The following ZFP64 variants were observed in gnomAD, a reference collection of about 807,000 sequenced individuals.
ZFP64 encodes the protein ZFP64 zinc finger protein, also known as zinc finger protein 64.
In ZFP64, 14 loss-of-function variants were observed where a neutral mutation model predicts 51.6. That is an observed-to-expected ratio of 0.27 (90% CI 0.18 to 0.42). The LOEUF is 0.42. Ranked by LOEUF, ZFP64 falls within the 10% of genes least tolerant of loss-of-function variation. ZFP64 has a pLI of 1.00. For missense variants in ZFP64, 754 were observed against 906.8 expected (o/e 0.83, Z 2.16); for synonymous variants, 375 against 361.4 (o/e 1.04, Z -0.43).
intron 5 of ZFP64, among the ~76,000 whole-genome samples, chr20:52,110,112 G>A (rs1294713777): frequency 2.0e-5 from 3 of 152,038 alleles, no homozygotes; most frequent in African/African-American, 4.8e-5. Context: ...TTCCTTCTGA[G>A]GGGTCATTTC....
At chr20:52,091,444 A>G (rs1447340206) in intron 7 of ZFP64, among the ~76,000 whole-genome samples, 1 of 152,240 alleles carries the variant, frequency 6.6e-6, no homozygotes, top group African/African-American at 2.4e-5. Flanking sequence ...TTCTAGAAAA[A>G]TGCTTAAAAA....
At chr20:52,110,423 C>T in intron 5 of ZFP64, 2 of 597,696 alleles carry the variant, frequency 3.3e-6, no homozygotes, top group Non-Finnish European at 6.1e-6. Flanking sequence ...CTCCTTCTTC[C>T]CGTCACTCAA....
chr20:52,177,336 G>A (rs1983301933), intron 2 of ZFP64, among the ~76,000 whole-genome samples: 1 of 152,138 alleles, frequency 6.6e-6, no homozygotes, highest in African/African-American at 2.4e-5. Flanking sequence ...CCTGCGGAGG[G>A]GACTTGGGAT....
intron 5 of ZFP64, among the ~76,000 whole-genome samples, chr20:52,109,910 A>T (rs184493188): frequency 5.9e-5 from 9 of 152,260 alleles, no homozygotes; most frequent in Admixed American, 1.3e-4. Flanking sequence ...TCATGGCCAA[A>T]CATGCATTGA....
downstream of ZFP64, among the ~76,000 whole-genome samples, chr20:52,149,986 A>C (rs924583928): frequency 1.3e-5 from 2 of 152,154 alleles, no homozygotes; most frequent in Non-Finnish European, 2.9e-5. Context: ...AGGTGGGTGG[A>C]TCACAAGGTC....
chr20:52,183,960 C>T (rs542263857), intron 2 of ZFP64, among the ~76,000 whole-genome samples: 8 of 152,268 alleles, frequency 5.3e-5, no homozygotes, highest in Non-Finnish European at 1.0e-4. Flanking sequence ...AAGAGATTCT[C>T]GTGCCTTGGC....
At chr20:52,176,503 C>CTTTTTTTTTTT (rs1236181128) in intron 2 of ZFP64, among the ~76,000 whole-genome samples, 1 of 144,396 alleles carries the variant, frequency 6.9e-6, no homozygotes, top group Non-Finnish European at 1.5e-5. Flanking sequence ...GGTTCAATCT[C>CTTTTTTTTTTT]TCTTTTTTTT....
rs1419564671 is a variant in ZFP64 at position 52,125,971 on chromosome 20, CCCTGGGTTCAAGTGATTCT to C, written c.764-27403_764-27385del. Among the ~76,000 whole-genome samples the C allele has an allele frequency of 2.0e-5, 3 of 151,962 alleles. No individual in the cohort carries two copies. The East Asian group carries it at 5.8e-4, about 29-fold the overall frequency. ...ATCTTGGCTCACTGCAACCTCCGCG[CCCTGGGTTCAAGTGATTCT>C]CCTGTGTTCAAGTGATTCTCCTGTG... On this transcript the variant is annotated intron_variant, in intron 5 of 8. Coordinates refer to the ZFP64 transcript ENST00000361387.
chr20:52,188,276 CT>C (rs1984113088), intron 1 of ZFP64, among the ~76,000 whole-genome samples: 1 of 150,254 alleles, frequency 6.7e-6, no homozygotes, highest in Non-Finnish European at 1.5e-5. Flanking sequence ...AAATTCATTC[CT>C]AACTGGCAGG....
At chr20:52,188,308 C>CTTTTTTTTT (rs1164512289) in intron 1 of ZFP64, among the ~76,000 whole-genome samples, 45 of 104,216 alleles carry the variant, frequency 4.3e-4, no homozygotes, top group Non-Finnish European at 6.2e-4. Flanking sequence ...CTTTTTCTTT[C>CTTTTTTTTT]TTTTTTTTTT....
rs572445129 is a variant in ZFP64, at chr20:52,141,066, G to A, written c.763+19057C>T. Among the ~76,000 whole-genome samples the A allele has an allele frequency of 7.2e-5, 11 of 152,268 alleles. No homozygotes were observed. In the South Asian group the frequency reaches 2.1e-3, roughly 29 times the overall value. On this transcript the variant is annotated intron_variant, in intron 5 of 8. Transcript: ENST00000361387. Reference sequence around the variant, plus strand: ...CGGCATGGTTTACTGAATATTTAAAGCCCCATGTTGAGACCTACTGCTCAG... The same window carrying A: ...CGGCATGGTTTACTGAATATTTAAAACCCCATGTTGAGACCTACTGCTCAG...
intron 5 of ZFP64, among the ~76,000 whole-genome samples, chr20:52,114,743 T>A (rs146147754): frequency 8.3e-4 from 126 of 152,342 alleles, no homozygotes; most frequent in Non-Finnish European, 1.5e-3. Context: ...CTGCTTTCCA[T>A]CTTTTCTCCT....
Position 52,099,035 on chromosome 20 carries a change from T to C in ZFP64, c.764-448A>G, listed in dbSNP as rs932801507. Among the ~76,000 whole-genome samples the C allele has an allele frequency of 1.7e-4, 26 of 148,684 alleles. 2 individuals carry two copies. The Middle Eastern group carries it at 0.018, about 102-fold the overall frequency. ...AAAAAAAAAAAAAGCAAGCCATGTATGCTCTGTCTTGCAAAAGTCCTCTTC... is the reference window on the plus strand; with the variant it reads ...AAAAAAAAAAAAAGCAAGCCATGTACGCTCTGTCTTGCAAAAGTCCTCTTC... On this transcript the variant is annotated intron_variant, in intron 5 of 8. Coordinates refer to the ZFP64 transcript ENST00000361387.
At chr20:52,089,138 C>A (rs2078895785) in intron 7 of ZFP64, 3 of 439,318 alleles carry the variant, frequency 6.8e-6, no homozygotes, top group East Asian at 6.3e-5. Context: ...ACCACATACC[C>A]AGAACACTTC....
chr20:52,131,571 T>C (rs112336509), intron 5 of ZFP64, among the ~76,000 whole-genome samples: 84 of 152,300 alleles, frequency 5.5e-4, no homozygotes, highest in Non-Finnish European at 8.4e-4. Flanking sequence ...GGGGTAGCTA[T>C]ACTTAAATCA....
intron 3 of ZFP64, chr20:52,165,640 C>T (rs1338924401): frequency 2.8e-6 from 2 of 713,236 alleles, no homozygotes; most frequent in Non-Finnish European, 5.0e-6. Context: ...AGTTCCACTT[C>T]AAAGGCCTAT....
At chr20:52,154,130 G>A (rs1981114111) in intron 5 of ZFP64, among the ~76,000 whole-genome samples, 1 of 152,126 alleles carries the variant, frequency 6.6e-6, no homozygotes, top group Non-Finnish European at 1.5e-5. Flanking sequence ...CTTCCTCAAT[G>A]AATGCCAAGT....
chr20:52,094,827 G>A (rs970432445), intron 7 of ZFP64, among the ~76,000 whole-genome samples: 6 of 152,280 alleles, frequency 3.9e-5, no homozygotes, highest in South Asian at 4.1e-4. Context: ...ACACACCTCA[G>A]TATTCCTAGC....
chr20:52,186,033 C>T (rs1983939201), intron 2 of ZFP64, among the ~76,000 whole-genome samples: 1 of 152,186 alleles, frequency 6.6e-6, no homozygotes. Context: ...ACTTCATTTG[C>T]AATCACATAT....
Sources: gnomAD v4.1 joint callset for allele counts (sites outside exome capture counted in the v4.1 genomes callset) on GRCh38, gnomAD v4.1.1 for gene constraint, MANE v1.5 for transcripts, NCBI Gene and HGNC (gene_info 2026-07-23, HGNC 2026-07-21) for gene names.